The following CCDC178 variants were observed in gnomAD, a reference collection of about 807,000 sequenced individuals.
CCDC178 encodes coiled-coil domain containing 178, also known as coiled-coil domain-containing protein 178.
CCDC178 carries 126 observed loss-of-function variants against 117.4 expected under a neutral mutation model. That is an observed-to-expected ratio of 1.07 (90% CI 0.93 to 1.24). The LOEUF (loss-of-function observed/expected upper bound fraction) is 1.24, where lower values mean the gene tolerates loss of function less well. CCDC178 is among the 50% of genes most tolerant of loss of function. CCDC178 has a pLI of 0.00. For synonymous variants in CCDC178, 283 were observed against 313.4 expected, an observed-to-expected ratio of 0.90 and a Z score of 1.02; for missense variants, 1,030 against 986.9, an observed-to-expected ratio of 1.04 and a Z score of -0.59.
At position 32,996,120 on chromosome 18, in the gene CCDC178, T is replaced by C. The variant is rs192020847; in HGVS notation, c.2389-21439A>G. On this transcript the variant is annotated intron_variant, in intron 21 of 22. Transcript: ENST00000383096. ...TTCCTTTATGGTTTAAGTAAAAATA[T>C]AATAGAAAAAAAATTCCCAGTCATA... Among the ~76,000 whole-genome samples the C allele has an allele frequency of 4.6e-4, 70 of 151,656 alleles. No homozygotes were observed. In the East Asian group the frequency reaches 0.012, roughly 27 times the overall value.
Position 33,103,376 on chromosome 18 carries a change from T to A in CCDC178, c.2239-10466A>T, listed in dbSNP as rs554542954. ...GGAATTATGGGAGTACAATTCAATA[T>A]GAGATTTGGTGGGGACACAGAGCCA... is the stretch of plus-strand genomic sequence containing the variant. On this transcript the variant is annotated intron_variant, in intron 20 of 22. Coordinates refer to ENST00000383096, the MANE Select transcript of CCDC178 (RefSeq NM_001105528.4). Among the ~76,000 whole-genome samples the A allele has an allele frequency of 7.9e-5, 12 of 151,770 alleles. No individual in the cohort carries two copies. In the East Asian group the frequency reaches 2.4e-3, roughly 30 times the overall value.
intron 21 of CCDC178, among the ~76,000 whole-genome samples, chr18:33,038,896 G>A (rs1009902740): frequency 6.6e-6 from 1 of 151,930 alleles, no homozygotes; most frequent in African/African-American, 2.4e-5. Flanking sequence ...CATCAATTTA[G>A]TTTAAGCAAT....
intron 20 of CCDC178, among the ~76,000 whole-genome samples, chr18:33,094,816 G>T (rs1433046367): frequency 6.6e-6 from 1 of 151,788 alleles, no homozygotes; most frequent in African/African-American, 2.4e-5. Flanking sequence ...TCTTCAAAAC[G>T]TTACATCAGT....
At chr18:32,974,114 T>A (rs1340145064) in intron 22 of CCDC178, among the ~76,000 whole-genome samples, 1 of 152,132 alleles carries the variant, frequency 6.6e-6, no homozygotes, top group Non-Finnish European at 1.5e-5. Flanking sequence ...CCAAATCTGC[T>A]TAGGATGAGC....
At chr18:32,969,078 G>T (rs2054874410) in intron 22 of CCDC178, among the ~76,000 whole-genome samples, 1 of 152,000 alleles carries the variant, frequency 6.6e-6, no homozygotes, top group South Asian at 2.1e-4. Flanking sequence ...AACTTTTGGA[G>T]TTATCACATT....
At chr18:33,230,710 C>T (rs991231076) in intron 15 of CCDC178, among the ~76,000 whole-genome samples, 1 of 152,152 alleles carries the variant, frequency 6.6e-6, no homozygotes, top group African/African-American at 2.4e-5. Flanking sequence ...ATGGATGATA[C>T]AACAAGGCCT....
intron 6 of CCDC178, among the ~76,000 whole-genome samples, chr18:33,367,079 C>A (rs1376878724): frequency 1.3e-5 from 2 of 151,904 alleles, no homozygotes; most frequent in African/African-American, 2.4e-5. Flanking sequence ...GGTAATTATT[C>A]ATTTTAAATA....
In CCDC178 at chr18:33,432,478, T is replaced by TACACACACAC. The variant is rs56111462; in HGVS notation, c.-23+7474_-23+7483dup. 4.3e-4 allele frequency among the ~76,000 whole-genome samples: 62 copies of TACACACACAC among 143,404 alleles called. No individual in the cohort carries two copies. The Middle Eastern group carries it at 0.01, about 24-fold the overall frequency. 94.1% of individuals were successfully genotyped at this position (143,404 alleles called of 152,430 possible). On this transcript the variant is annotated intron_variant, in intron 2 of 22. Coordinates refer to ENST00000383096, the MANE Select transcript of CCDC178 (RefSeq NM_001105528.4). ...ATATAATTCTCTCATGCCTTCTCCA[T>TACACACACAC]ACACACACACACACACACACACACA... is the stretch of plus-strand genomic sequence containing the variant.
At chr18:33,262,433 A>C (rs2059761828) in intron 14 of CCDC178, among the ~76,000 whole-genome samples, 1 of 152,112 alleles carries the variant, frequency 6.6e-6, no homozygotes, top group East Asian at 1.9e-4. Context: ...CCATCAAACT[A>C]GTTTTTCAAA....
intron 14 of CCDC178, among the ~76,000 whole-genome samples, chr18:33,256,790 T>C (rs2059685579): frequency 6.6e-6 from 1 of 152,102 alleles, no homozygotes; most frequent in South Asian, 2.1e-4. Flanking sequence ...TTCCCCCAGC[T>C]CTTTCTACTA....
At chr18:33,089,852 A>C (rs1352172588) in intron 21 of CCDC178, among the ~76,000 whole-genome samples, 1 of 152,180 alleles carries the variant, frequency 6.6e-6, no homozygotes, top group South Asian at 2.1e-4. Flanking sequence ...AAATGTCTAT[A>C]TTCACACGGA....
intron 21 of CCDC178, among the ~76,000 whole-genome samples, chr18:32,995,905 TTATCTATATCTATATCTA>T (rs139781630): frequency 1.4e-5 from 2 of 145,632 alleles, no homozygotes; most frequent in Non-Finnish European, 3.0e-5. Context: ...TCCTACAATT[TTATCTATATCTATATCTA>T]TATCTATATC....
intron 21 of CCDC178, among the ~76,000 whole-genome samples, chr18:33,064,701 T>C (rs568728694): frequency 6.6e-6 from 1 of 152,276 alleles, no homozygotes; most frequent in South Asian, 2.1e-4. Context: ...AATCCAGCAA[T>C]CCCAATACTC....
At chr18:33,375,402 T>C (rs2063350971) in intron 5 of CCDC178, among the ~76,000 whole-genome samples, 1 of 152,168 alleles carries the variant, frequency 6.6e-6, no homozygotes. Context: ...AGACTTAACC[T>C]TGCCCTGAGC....
intron 21 of CCDC178, among the ~76,000 whole-genome samples, chr18:33,041,379 C>A (rs918197402): frequency 1.3e-5 from 2 of 150,962 alleles, no homozygotes; most frequent in African/African-American, 2.4e-5. Context: ...AAGCAGACCA[C>A]CATAGATTAA....
intron 20 of CCDC178, among the ~76,000 whole-genome samples, chr18:33,193,312 G>T (rs1342280328): frequency 2.0e-5 from 3 of 149,052 alleles, no homozygotes; most frequent in Non-Finnish European, 3.0e-5. Flanking sequence ...TAATAAAGAG[G>T]TCTGAGGAAG....
chr18:33,379,151 A>T (rs186089599), intron 5 of CCDC178, among the ~76,000 whole-genome samples: 1,546 of 104,936 alleles, frequency 0.015, 41 homozygotes, highest in African/African-American at 0.052. Flanking sequence ...TATATATATA[A>T]TATATATATT....
Position 33,224,875 on chromosome 18 carries a change from C to T in CCDC178, c.1718G>A (p.Arg573Lys), listed in dbSNP as rs144365664. 1.3e-6 allele frequency: 2 copies of T among 1,575,566 alleles called. No homozygotes were observed. Among genetic ancestry groups the T allele is most frequent in the South Asian group, 1.2e-5 (1 of 85,000 alleles). The change falls in exon 17 of 23, where the codon AGA (arginine) becomes AAA (lysine). Residue 573 changes from arginine to lysine, a missense_variant. Arg to Lys is a conservative substitution (Grantham distance 26). Coordinates refer to ENST00000383096, the MANE Select transcript of CCDC178 (RefSeq NM_001105528.4). ...ALERKELIKN[R>K]AICAMSLAEL... ...TGCCAGTGACATGGCACATATTGCT[C>T]TATTTTTTATAAGCTCTTTCCGCTC...
chr18:33,328,030 G>A, intron 10 of CCDC178: 1 of 369,622 alleles, frequency 2.7e-6, no homozygotes, highest in South Asian at 1.9e-5. Context: ...TTCTATCAGT[G>A]TCATATCTAA....
Sources: allele counts gnomAD v4.1 joint callset (sites outside exome capture counted in the v4.1 genomes callset), GRCh38; gene constraint gnomAD v4.1.1; transcripts MANE v1.5; gene names NCBI Gene and HGNC (gene_info 2026-07-23, HGNC 2026-07-21).